TAFA5: variants seen among roughly 807,000 people sequenced by gnomAD.
TAFA5 encodes TAFA chemokine like family member 5.
In TAFA5, 6 loss-of-function variants were observed where a neutral mutation model predicts 15.3. The observed-to-expected ratio is 0.39, with a 90% CI of 0.21 to 0.77. TAFA5 has a LOEUF of 0.77. Among genes scored for constraint, TAFA5 ranks in the 30% least tolerant of loss-of-function variants. The pLI, the probability that TAFA5 is intolerant of heterozygous loss-of-function variation, is 0.41. For synonymous variants in TAFA5, 103 were observed against 80.7 expected, an observed-to-expected ratio of 1.28 and a Z score of -1.48; for missense variants, 161 against 193.1, an observed-to-expected ratio of 0.83 and a Z score of 0.98.
chr22:48,715,038 T>A (rs1233081999), intron 3 of TAFA5, among the ~76,000 whole-genome samples: 1 of 152,236 alleles, frequency 6.6e-6, no homozygotes, highest in African/African-American at 2.4e-5. Context: ...AAATCTAGGA[T>A]GATTTCATCT....
intron 2 of TAFA5, among the ~76,000 whole-genome samples, chr22:48,674,999 TG>T (rs2147224857): frequency 6.6e-6 from 1 of 151,476 alleles, no homozygotes; most frequent in East Asian, 2.0e-4. Context: ...TGGAGTGCAG[TG>T]GCGCGATCTC....
At chr22:48,655,900 C>A (rs1044285226) in intron 2 of TAFA5, among the ~76,000 whole-genome samples, 1 of 130,710 alleles carries the variant, frequency 7.7e-6, no homozygotes. Context: ...AGTGCAGTGG[C>A]GCGATCTCAG....
At chr22:48,496,517 T>G (rs925795729) in intron 1 of TAFA5, among the ~76,000 whole-genome samples, 1 of 152,182 alleles carries the variant, frequency 6.6e-6, no homozygotes, top group African/African-American at 2.4e-5. Flanking sequence ...TACAATGATG[T>G]CAACCCTGCA....
intron 1 of TAFA5, among the ~76,000 whole-genome samples, chr22:48,602,105 C>T (rs1924995779): frequency 6.6e-6 from 1 of 152,160 alleles, no homozygotes. Context: ...CGAGAATGTG[C>T]CGACTCCCCA....
chr22:48,693,632 G>A (rs890691746), intron 2 of TAFA5, among the ~76,000 whole-genome samples: 2 of 152,130 alleles, frequency 1.3e-5, no homozygotes, highest in Non-Finnish European at 2.9e-5. Context: ...CCTGCCCCGG[G>A]CCTTATTCCT....
intron 1 of TAFA5, among the ~76,000 whole-genome samples, chr22:48,571,026 G>C (rs1236410633): frequency 6.6e-6 from 1 of 152,034 alleles, no homozygotes; most frequent in Non-Finnish European, 1.5e-5. Flanking sequence ...TCCTTTCTCT[G>C]GTGGAGTGTA....
chr22:48,696,593 C>G (rs1928720163), intron 2 of TAFA5, among the ~76,000 whole-genome samples: 1 of 152,252 alleles, frequency 6.6e-6, no homozygotes, highest in Non-Finnish European at 1.5e-5. Context: ...GAGCTCCCCC[C>G]AACTGCAGAG....
In TAFA5 at chr22:48,552,530, A is replaced by G. The variant is rs56780405; in HGVS notation, c.112+62826A>G. Among the ~76,000 whole-genome samples the G allele has an allele frequency of 1.1e-3, 165 of 152,166 alleles. 1 individual carries two copies. The highest frequency in any genetic ancestry group is 3.8e-3 in the African/African-American group (159 of 41,536). On this transcript the variant is annotated intron_variant, in intron 1 of 3. Coordinates refer to ENST00000402357, the MANE Select transcript of TAFA5 (RefSeq NM_001082967.3). The surrounding 1 kb of genome is among the most constrained non-coding windows in gnomAD (Gnocchi z 4.1). ...CAGCCTGCTCTCCTTGGGTCAGGAC[A>G]TGGAGACTTCACAGCCCGGCGGAAC...
intron 1 of TAFA5, among the ~76,000 whole-genome samples, chr22:48,517,754 C>G (rs945894806): frequency 1.3e-5 from 2 of 152,118 alleles, no homozygotes; most frequent in East Asian, 3.9e-4. Context: ...GTGAGGCTGG[C>G]CTGCCTGCTT....
chr22:48,721,685 C>A (rs369332662), intron 3 of TAFA5, among the ~76,000 whole-genome samples: 1 of 152,164 alleles, frequency 6.6e-6, no homozygotes. Context: ...AAAGTAAGAT[C>A]AGGGTGGGGC....
At chr22:48,532,093 C>G (rs880376) in intron 1 of TAFA5, among the ~76,000 whole-genome samples, 1 of 152,148 alleles carries the variant, frequency 6.6e-6, no homozygotes, top group Admixed American at 6.5e-5. Context: ...CGCCTGCCTC[C>G]TCCGGACGAG....
chr22:48,634,291 C>T (rs1926360914), intron 1 of TAFA5, among the ~76,000 whole-genome samples: 3 of 152,082 alleles, frequency 2.0e-5, no homozygotes, highest in South Asian at 4.1e-4. Context: ...ATCACTCATT[C>T]GTTAACTCAC....
intron 1 of TAFA5, among the ~76,000 whole-genome samples, chr22:48,569,679 C>T (rs1236484291): frequency 6.6e-6 from 1 of 152,224 alleles, no homozygotes; most frequent in East Asian, 1.9e-4. Flanking sequence ...ACACGGGGGC[C>T]GGGCTCGTCA....
intron 1 of TAFA5, among the ~76,000 whole-genome samples, chr22:48,580,439 G>A (rs1256439490): frequency 6.6e-6 from 1 of 152,200 alleles, no homozygotes; most frequent in Non-Finnish European, 1.5e-5. Flanking sequence ...ACAGTTCCCG[G>A]CCCTAAGACT....
intron 1 of TAFA5, among the ~76,000 whole-genome samples, chr22:48,600,923 C>T (rs1464744354): frequency 2.6e-5 from 4 of 152,128 alleles, no homozygotes; most frequent in Admixed American, 6.5e-5. Context: ...CACTCGGTCA[C>T]GGTGCCCACG....
chr22:48,684,395 G>A (rs894326602), intron 2 of TAFA5, among the ~76,000 whole-genome samples: 2 of 152,078 alleles, frequency 1.3e-5, no homozygotes, highest in African/African-American at 2.4e-5. Flanking sequence ...AGGGAAGGGC[G>A]ATGGAGTGAC....
chr22:48,652,391 T>G (rs988535073), intron 2 of TAFA5, among the ~76,000 whole-genome samples: 2 of 151,898 alleles, frequency 1.3e-5, no homozygotes, highest in Non-Finnish European at 2.9e-5. Flanking sequence ...CTTCGGCAAG[T>G]GGTGGTTGGG....
chr22:48,515,083 C>T (rs1416823131), intron 1 of TAFA5, among the ~76,000 whole-genome samples: 7 of 150,258 alleles, frequency 4.7e-5, no homozygotes, highest in Admixed American at 3.3e-4. Context: ...CCCAGGCTTG[C>T]GCAGGCAGCG....
At position 48,532,113 on chromosome 22, in the gene TAFA5, G is replaced by A. The variant is rs556130899; in HGVS notation, c.112+42409G>A. Among the ~76,000 whole-genome samples the A allele has an allele frequency of 3.3e-5, 5 of 152,318 alleles. No homozygotes were observed. In the South Asian group the frequency reaches 1.0e-3, roughly 32 times the overall value. ...GCCTCCTCCGGACGAGGAACCCCTTGGTGCTTTCTGTTCTCTGATGAAGAG... is the reference window on the plus strand; with the variant it reads ...GCCTCCTCCGGACGAGGAACCCCTTAGTGCTTTCTGTTCTCTGATGAAGAG... On this transcript the variant is annotated intron_variant, in intron 1 of 3. Transcript: ENST00000402357.
Sources: allele counts gnomAD v4.1 joint callset (sites outside exome capture counted in the v4.1 genomes callset), GRCh38; gene constraint gnomAD v4.1.1; non-coding constraint Gnocchi (gnomAD v3.1); transcripts MANE v1.5; gene names NCBI Gene and HGNC (gene_info 2026-07-23, HGNC 2026-07-21).